The following ABAT variants were observed in gnomAD, a reference collection of about 807,000 sequenced individuals.
ABAT encodes 4-aminobutyrate aminotransferase, mitochondrial.
ABAT carries 45 observed loss-of-function variants against 64.6 expected under a neutral mutation model. That is an observed-to-expected ratio of 0.70 (90% confidence interval 0.55 to 0.89). The LOEUF is 0.89. Ranked by LOEUF, ABAT falls within the 40% of genes least tolerant of loss-of-function variation. The pLI, the probability that ABAT is intolerant of heterozygous loss-of-function variation, is 0.00. For missense variants in ABAT, 633 were observed against 658.4 expected, an observed-to-expected ratio of 0.96 and a Z score of 0.42; for synonymous variants, 297 against 250.5, an observed-to-expected ratio of 1.19 and a Z score of -1.75.
Position 8,757,832 on chromosome 16 carries a change from A to C in ABAT, c.366+26A>C, listed in dbSNP as rs2059690554. 3.1e-6 allele frequency: 5 copies of C among 1,609,856 alleles called. No homozygotes were observed. The East Asian group carries it at 1.1e-4, about 36-fold the overall frequency. The stretch of plus-strand genomic sequence containing the variant: ...GTAGGTCTTGGGGTTACACAGAAGA[A>C]AGACAAAATATGTTCATGGCCATTC... On this transcript the variant is annotated intron_variant, in intron 6 of 15. Coordinates refer to ENST00000268251, the MANE Select transcript of ABAT (RefSeq NM_020686.6).
At chr16:8,733,385 C>G (rs1312668420) in intron 1 of ABAT, among the ~76,000 whole-genome samples, 3 of 145,296 alleles carry the variant, frequency 2.1e-5, no homozygotes, top group Non-Finnish European at 3.0e-5. Flanking sequence ...ACATCCCAGA[C>G]GATGGGCGGC....
chr16:8,778,394 T>A (rs2060329021), intron 14 of ABAT, among the ~76,000 whole-genome samples: 1 of 152,122 alleles, frequency 6.6e-6, no homozygotes, highest in South Asian at 2.1e-4. Flanking sequence ...CCTTGACGTG[T>A]GGAGGCTTCA....
intron 5 of ABAT, among the ~76,000 whole-genome samples, chr16:8,757,040 G>A (rs769804659): frequency 2.6e-5 from 4 of 152,152 alleles, no homozygotes; most frequent in Non-Finnish European, 4.4e-5. Context: ...AACATTTGTC[G>A]AGATTTGACT....
intron 11 of ABAT, among the ~76,000 whole-genome samples, chr16:8,771,577 T>C (rs1035750380): frequency 1.3e-4 from 20 of 151,468 alleles, no homozygotes; most frequent in African/African-American, 4.9e-4. Context: ...CAAGCGATTC[T>C]CGTGCCTCAG....
At chr16:8,739,467 C>G (rs2059097003) in intron 2 of ABAT, among the ~76,000 whole-genome samples, 1 of 152,116 alleles carries the variant, frequency 6.6e-6, no homozygotes, top group Non-Finnish European at 1.5e-5. Flanking sequence ...CCTGTAATAC[C>G]AACACTTTGG....
At chr16:8,687,963 A>G (rs2057495241) in intron 1 of ABAT, among the ~76,000 whole-genome samples, 1 of 152,012 alleles carries the variant, frequency 6.6e-6, no homozygotes, top group Non-Finnish European at 1.5e-5. Flanking sequence ...CACTGGCACC[A>G]TCGTAGCTTA....
At chr16:8,737,134 C>T (rs1461304989) in intron 2 of ABAT, 1 of 152,218 alleles carries the variant, frequency 6.6e-6, no homozygotes, top group Non-Finnish European at 1.5e-5. Context: ...GTGGCATAAA[C>T]AGTAGGAGCG....
chr16:8,773,000 G>A, intron 12 of ABAT, 83 bp downstream of exon 12: 2 of 1,583,278 alleles, frequency 1.3e-6, no homozygotes, highest in Non-Finnish European at 1.7e-6. Flanking sequence ...CAGCACCTCT[G>A]CCTTGGAGCT....
In ABAT at chr16:8,773,681, A is replaced by G. The variant is rs943883924; in HGVS notation, c.954+764A>G. On this transcript the variant is annotated intron_variant, in intron 12 of 15. Transcript: ENST00000268251. ...TCTATCTAACTGTACTTTTGTATCC[A>G]TTAACCAACCCCTATTTATCTCCAC... Among the ~76,000 whole-genome samples, 4 of 152,180 alleles carry G rather than the reference A, an allele frequency of 2.6e-5. No homozygotes were observed. In the East Asian group the frequency reaches 5.8e-4, roughly 22 times the overall value.
chr16:8,695,960 C>G (rs1241545076), intron 1 of ABAT, among the ~76,000 whole-genome samples: 1 of 152,226 alleles, frequency 6.6e-6, no homozygotes, highest in Non-Finnish European at 1.5e-5. Flanking sequence ...GTCCCTTTGC[C>G]TGATGCTTAA....
At chr16:8,735,922 T>C in intron 2 of ABAT, 113 bp downstream of exon 2, 1 of 877,578 alleles carries the variant, frequency 1.1e-6, no homozygotes. Flanking sequence ...AGTGAGTGTT[T>C]CTGGGACTGT....
chr16:8,703,213 G>A (rs1038900386), intron 1 of ABAT, among the ~76,000 whole-genome samples: 5 of 152,170 alleles, frequency 3.3e-5, no homozygotes, highest in African/African-American at 1.2e-4. Flanking sequence ...CTGGGAGGCT[G>A]AGGTGGGTGG....
chr16:8,755,140 GT>G (rs113492557), intron 5 of ABAT, among the ~76,000 whole-genome samples: 2 of 151,016 alleles, frequency 1.3e-5, no homozygotes, highest in African/African-American at 4.9e-5. Context: ...ATTCGTTTTT[GT>G]TTTTTTTTAA....
intron 1 of ABAT, among the ~76,000 whole-genome samples, chr16:8,726,893 G>A (rs893772958): frequency 6.6e-6 from 1 of 152,196 alleles, no homozygotes; most frequent in African/African-American, 2.4e-5. Flanking sequence ...GTTAACTGGG[G>A]TGAGATGACA....
In ABAT at chr16:8,774,886, C is replaced by G. The variant is rs774347728; in HGVS notation, c.955-4C>G. Reference sequence around the variant, plus strand: ...TTTCTCCCTCCTCTCTCTTCTCCGGCCAGCATGGCTGCGCCTTCTTGGTGG... The same window carrying G: ...TTTCTCCCTCCTCTCTCTTCTCCGGGCAGCATGGCTGCGCCTTCTTGGTGG... On this transcript the variant is annotated splice_region_variant and splice_polypyrimidine_tract_variant and intron_variant, in intron 12 of 15. Transcript: ENST00000268251. The G allele has an allele frequency of 2.5e-6, 4 of 1,613,856 alleles. No homozygotes were observed. In the Admixed American group the frequency reaches 6.7e-5, roughly 27 times the overall value.
rs535643770 is a variant in ABAT, at chr16:8,688,712, T to G, written c.-42+14001T>G. ...AAGTGATCCTCCCATCTCAGCCTCC[T>G]GAAGTGCCGGGATTACAGGCATGAG... On this transcript the variant is annotated intron_variant, in intron 1 of 15. Coordinates refer to ENST00000268251, the MANE Select transcript of ABAT (RefSeq NM_020686.6). 1.9e-4 allele frequency among the ~76,000 whole-genome samples: 29 copies of G among 152,238 alleles called. No individual in the cohort carries two copies. The East Asian group carries it at 5.2e-3, about 27-fold the overall frequency.
chr16:8,772,648 C>G (rs962692357), intron 11 of ABAT, 132 bp from the exon 12 acceptor site: 2 of 1,281,336 alleles, frequency 1.6e-6, no homozygotes, highest in Admixed American at 3.4e-5. Flanking sequence ...AGAGGCTTCA[C>G]TGGTCTTAGG....
At chr16:8,700,189 A>G (rs543053257) in intron 1 of ABAT, among the ~76,000 whole-genome samples, 2 of 152,110 alleles carry the variant, frequency 1.3e-5, no homozygotes, top group Non-Finnish European at 2.9e-5. Flanking sequence ...AGACATGAGT[A>G]TTGCAGGTGT....
rs564325512 is a variant in ABAT, at chr16:8,766,664, A to AAAAAAC, written c.603+411_603+416dup. Among the ~76,000 whole-genome samples the AAAAAAC allele has an allele frequency of 1.6e-3, 238 of 147,672 alleles. 1 individual carries two copies. The highest frequency in any genetic ancestry group is 7.9e-3 in the Middle Eastern group (2 of 252). ...AGTGAGACTCCTCTCAAAACAAACA[A>AAAAAAC]AAAAACAAAAACAAAAACAAAAGGC... On this transcript the variant is annotated intron_variant, in intron 9 of 15. Coordinates refer to ENST00000268251, the MANE Select transcript of ABAT (RefSeq NM_020686.6).
Sources: gnomAD v4.1 joint callset for allele counts (sites outside exome capture counted in the v4.1 genomes callset) on GRCh38, gnomAD v4.1.1 for gene constraint, MANE v1.5 for transcripts, NCBI Gene and HGNC (gene_info 2026-07-23, HGNC 2026-07-21) for gene names.